BCAS3: variants seen among roughly 807,000 people sequenced by gnomAD.
BCAS3 encodes the protein BCAS3 microtubule associated cell migration factor.
Under a neutral mutation model 116.1 loss-of-function variants are expected in BCAS3, and 53 were observed. That is an observed-to-expected ratio of 0.46 (90% CI 0.37 to 0.57). BCAS3 has a LOEUF of 0.57. Ranked by LOEUF, BCAS3 falls within the 20% of genes least tolerant of loss-of-function variation. The pLI, the probability that BCAS3 is intolerant of heterozygous loss-of-function variation, is 0.00. For synonymous variants in BCAS3, 391 were observed against 408.2 expected, an observed-to-expected ratio of 0.96 and a Z score of 0.51; for missense variants, 917 against 1,165.4, an observed-to-expected ratio of 0.79 and a Z score of 3.10.
At chr17:61,172,137 G>C (rs1340942055) in intron 22 of BCAS3, among the ~76,000 whole-genome samples, 1 of 152,088 alleles carries the variant, frequency 6.6e-6, no homozygotes, top group Non-Finnish European at 1.5e-5. Flanking sequence ...TGTAGAATTG[G>C]GTGAACACAC....
At chr17:61,232,853 T>C (rs1304830582) in intron 22 of BCAS3, among the ~76,000 whole-genome samples, 1 of 152,244 alleles carries the variant, frequency 6.6e-6, no homozygotes, top group Non-Finnish European at 1.5e-5. Context: ...CTATTTTCTT[T>C]TTAGAGTTGC....
At chr17:60,726,793 G>T (rs1486331103) in intron 5 of BCAS3, among the ~76,000 whole-genome samples, 1 of 152,142 alleles carries the variant, frequency 6.6e-6, no homozygotes, top group African/African-American at 2.4e-5. Flanking sequence ...ACAGGCGTGA[G>T]CCACTGCTAC....
rs1239652473 is a variant in BCAS3, at chr17:61,337,794, T to C, written c.2426-30533T>C. Among the ~76,000 whole-genome samples the C allele has an allele frequency of 6.6e-6, 1 of 152,196 alleles. No homozygotes were observed. Among genetic ancestry groups the C allele is most frequent in the Non-Finnish European group, 1.5e-5 (1 of 68,046 alleles). On this transcript the variant is annotated intron_variant, in intron 22 of 23. Coordinates refer to ENST00000407086, the MANE Select transcript of BCAS3 (RefSeq NM_017679.5). The surrounding 1 kb of genome is among the most constrained non-coding windows in gnomAD (Gnocchi z 4.8). ...AACCTTTCAGCATTTCACAAGGTGT[T>C]AGAGACAGAGAAAGCCTCCTTGTTA...
intron 14 of BCAS3, among the ~76,000 whole-genome samples, chr17:60,965,608 G>A (rs1456372980): frequency 6.6e-6 from 1 of 151,936 alleles, no homozygotes; most frequent in Non-Finnish European, 1.5e-5. Context: ...TTGACCTATT[G>A]GTCACTCAGG....
rs2059985125 is a variant in BCAS3 at position 61,388,840 on chromosome 17, G to A, written c.2594-3137G>A. The A allele has an allele frequency of 3.3e-6, 3 of 909,330 alleles. No homozygotes were observed. The allele number at this position is 909,330 out of a possible 1,614,324, so 56.3% of individuals were successfully genotyped here. On this transcript the variant is annotated intron_variant, in intron 23 of 23. Coordinates refer to ENST00000407086, the MANE Select transcript of BCAS3 (RefSeq NM_017679.5). This position sits in a 1 kb window ranked among gnomAD's most constrained non-coding sequence, Gnocchi z 6.5. The stretch of plus-strand genomic sequence containing the variant: ...ACCCCTGCCTGCAGGGGGAGGAGCA[G>A]AAGGGGTCTGAGAGGAGGCGTGGAG...
At chr17:61,206,108 T>C (rs1308292526) in intron 22 of BCAS3, among the ~76,000 whole-genome samples, 1 of 152,168 alleles carries the variant, frequency 6.6e-6, no homozygotes, top group African/African-American at 2.4e-5. Flanking sequence ...CCAGTGAAAG[T>C]TTGTATAGGC....
intron 14 of BCAS3, among the ~76,000 whole-genome samples, chr17:60,975,026 G>C (rs997052237): frequency 7.0e-6 from 1 of 142,820 alleles, no homozygotes; most frequent in Non-Finnish European, 1.5e-5. Context: ...ACGGAGTCTC[G>C]CTCTGTCGCC....
Position 61,272,504 on chromosome 17 carries a change from G to A in BCAS3, c.2426-95823G>A, listed in dbSNP as rs527723534. ...AAAAATTAGCCAGGCATGATCTCAT[G>A]AGACCACATCTGTGGTCTCAGCTAC... On this transcript the variant is annotated intron_variant, in intron 22 of 23. Coordinates refer to ENST00000407086, the MANE Select transcript of BCAS3 (RefSeq NM_017679.5). 4.0e-5 allele frequency among the ~76,000 whole-genome samples: 6 copies of A among 151,236 alleles called. No individual in the cohort carries two copies. In the South Asian group the frequency reaches 1.3e-3, roughly 32 times the overall value.
rs1408254165 is a variant in BCAS3, at chr17:61,200,628, G to A, written c.2425+116064G>A. Among the ~76,000 whole-genome samples, 2 of 152,280 alleles carry A rather than the reference G, an allele frequency of 1.3e-5. No homozygotes were observed. Among genetic ancestry groups the A allele is most frequent in the African/African-American group, 2.4e-5 (1 of 41,556 alleles). On this transcript the variant is annotated intron_variant, in intron 22 of 23. Coordinates refer to ENST00000407086, the MANE Select transcript of BCAS3 (RefSeq NM_017679.5). The surrounding 1 kb of genome is among the most constrained non-coding windows in gnomAD (Gnocchi z 5.1). ...GCGTATTTCTTTTGATTATCAATGC[G>A]GGTGGTAGTGAGGTATCCTCAGCTG...
chr17:61,259,941 T>C lies in BCAS3; in HGVS notation c.2426-108386T>C, dbSNP rs113574217. ...ATACTAATAGCCACTATTTATTGAA[T>C]TGCTGTGTGAGGTAGGCGTTGTACA... On this transcript the variant is annotated intron_variant, in intron 22 of 23. Transcript: ENST00000407086. The surrounding 1 kb of genome is among the most constrained non-coding windows in gnomAD (Gnocchi z 4.7). 2.0e-5 allele frequency among the ~76,000 whole-genome samples: 3 copies of C among 152,322 alleles called. No individual in the cohort carries two copies. The highest frequency in any genetic ancestry group is 7.2e-5 in the African/African-American group (3 of 41,570).
At chr17:61,192,664 G>C (rs1285189882) in intron 22 of BCAS3, among the ~76,000 whole-genome samples, 1 of 152,148 alleles carries the variant, frequency 6.6e-6, no homozygotes, top group Non-Finnish European at 1.5e-5. Context: ...CTTTTACACA[G>C]TGGCAGTTTA....
intron 6 of BCAS3, among the ~76,000 whole-genome samples, chr17:60,758,004 T>A (rs567941621): frequency 2.6e-5 from 4 of 152,316 alleles, no homozygotes; most frequent in African/African-American, 7.2e-5. Flanking sequence ...CAGCACCATT[T>A]ATTGAAGGTC....
chr17:61,063,264 TTTG>T lies in BCAS3; in HGVS notation c.2030-11650_2030-11648del, dbSNP rs2070254488. Among the ~76,000 whole-genome samples the T allele has an allele frequency of 2.0e-5, 3 of 151,818 alleles. No homozygotes were observed. The highest frequency in any genetic ancestry group is 4.4e-5 in the Non-Finnish European group (3 of 67,972). On this transcript the variant is annotated intron_variant, in intron 19 of 23. Coordinates refer to ENST00000407086, the MANE Select transcript of BCAS3 (RefSeq NM_017679.5). This position sits in a 1 kb window ranked among gnomAD's most constrained non-coding sequence, Gnocchi z 5.3. Reference sequence around the variant, plus strand: ...TGGTTTATTTACAGTTTTTTGTTTTTTTGTTGTTTTGGTTTTTTTTTTTGAGGC... The same window carrying T: ...TGGTTTATTTACAGTTTTTTGTTTTTTTGTTTTGGTTTTTTTTTTTGAGGC...
chr17:61,232,434 T>C (rs2082744578), intron 22 of BCAS3, among the ~76,000 whole-genome samples: 1 of 152,032 alleles, frequency 6.6e-6, no homozygotes. Context: ...TCAAAATCAT[T>C]ATCTGGCAGG....
At chr17:61,052,830 G>C (rs145054666) in intron 19 of BCAS3, among the ~76,000 whole-genome samples, 1,550 of 149,630 alleles carry the variant, frequency 0.01, 53 homozygotes, top group Admixed American at 0.06. Context: ...TGATCCTCCT[G>C]CCTCAGCCTC....
chr17:60,919,855 A>G (rs980683727), intron 12 of BCAS3, among the ~76,000 whole-genome samples: 1 of 152,164 alleles, frequency 6.6e-6, no homozygotes, highest in Non-Finnish European at 1.5e-5. Flanking sequence ...AATCCCTCCA[A>G]CTACCGCTAA....
At chr17:61,232,612 C>T (rs747296894) in intron 22 of BCAS3, among the ~76,000 whole-genome samples, 1 of 152,100 alleles carries the variant, frequency 6.6e-6, no homozygotes, top group Admixed American at 6.5e-5. Context: ...TTCAAAAACC[C>T]ATCTCTGGGT....
At chr17:60,867,835 T>A (rs2054751537) in intron 7 of BCAS3, among the ~76,000 whole-genome samples, 1 of 152,188 alleles carries the variant, frequency 6.6e-6, no homozygotes, top group Non-Finnish European at 1.5e-5. Flanking sequence ...TAAGCATTTT[T>A]TCCTACATCC....
chr17:61,322,551 G>C (rs1429713576), intron 22 of BCAS3, among the ~76,000 whole-genome samples: 4 of 152,088 alleles, frequency 2.6e-5, no homozygotes, highest in Non-Finnish European at 5.9e-5. Context: ...CAAGAACATG[G>C]CCTCACTCTC....
Sources: allele counts gnomAD v4.1 joint callset (sites outside exome capture counted in the v4.1 genomes callset), GRCh38; gene constraint gnomAD v4.1.1; non-coding constraint Gnocchi (gnomAD v3.1); transcripts MANE v1.5; gene names NCBI Gene and HGNC (gene_info 2026-07-23, HGNC 2026-07-21).